The following TPST1 variants were observed in gnomAD, a reference collection of about 807,000 sequenced individuals.
TPST1 encodes protein-tyrosine sulfotransferase 1.
A neutral mutation model predicts 34.8 loss-of-function variants in TPST1; 20 were observed. The observed-to-expected ratio is 0.57, with a 90% confidence interval of 0.40 to 0.84. The LOEUF (loss-of-function observed/expected upper bound fraction) is 0.84. Among genes scored for constraint, TPST1 ranks in the 40% least tolerant of loss-of-function variants. The pLI, the probability that TPST1 is intolerant of heterozygous loss-of-function variation, is 0.00. For missense variants in TPST1, 353 were observed against 455.5 expected, an observed-to-expected ratio of 0.78 and a Z score of 2.05; for synonymous variants, 152 against 159.4, an observed-to-expected ratio of 0.95 and a Z score of 0.35.
At chr7:66,326,609 G>T (rs1281963904) in intron 3 of TPST1, among the ~76,000 whole-genome samples, 1 of 152,048 alleles carries the variant, frequency 6.6e-6, no homozygotes, top group African/African-American at 2.4e-5. Flanking sequence ...CCCCCCACCA[G>T]GAAATCAATG....
At chr7:66,230,145 G>A (rs1188375074) in intron 1 of TPST1, among the ~76,000 whole-genome samples, 2 of 152,138 alleles carry the variant, frequency 1.3e-5, no homozygotes, top group African/African-American at 2.4e-5. Flanking sequence ...CTGAGATTAC[G>A]CCCCTGCACT....
intron 3 of TPST1, among the ~76,000 whole-genome samples, chr7:66,318,834 C>G (rs978378179): frequency 3.3e-5 from 5 of 152,164 alleles, no homozygotes; most frequent in African/African-American, 1.2e-4. Flanking sequence ...ATTTTTACTT[C>G]ACTCTAATTC....
chr7:66,359,116 T>TG (rs751732132), intron 5 of TPST1: 3 of 149,598 alleles, frequency 2.0e-5, no homozygotes, highest in Non-Finnish European at 3.0e-5. Flanking sequence ...TGCTGACCCC[T>TG]GGACACTTAA....
At chr7:66,217,501 A>G (rs949090978) in intron 1 of TPST1, among the ~76,000 whole-genome samples, 2 of 152,248 alleles carry the variant, frequency 1.3e-5, no homozygotes, top group Middle Eastern at 6.8e-3. Flanking sequence ...CTGACATTGT[A>G]TAGTTTGCTG....
At chr7:66,209,671 T>G (rs1364153000) in intron 1 of TPST1, among the ~76,000 whole-genome samples, 1 of 152,218 alleles carries the variant, frequency 6.6e-6, no homozygotes, top group Non-Finnish European at 1.5e-5. Context: ...CACATCTGCC[T>G]GCAATCCATG....
chr7:66,357,704 T>C (rs902446348), intron 5 of TPST1, among the ~76,000 whole-genome samples: 2 of 152,200 alleles, frequency 1.3e-5, no homozygotes, highest in Non-Finnish European at 2.9e-5. Flanking sequence ...AGTCTCTGCT[T>C]ATCCACCCAA....
chr7:66,278,761 G>T (rs2115870355), intron 2 of TPST1, among the ~76,000 whole-genome samples: 1 of 149,102 alleles, frequency 6.7e-6, no homozygotes, highest in African/African-American at 2.4e-5. Flanking sequence ...CCAGCCCACT[G>T]CACTCCAGCC....
chr7:66,255,145 CAAAAAAAAA>C (rs35033344), intron 2 of TPST1, among the ~76,000 whole-genome samples: 2 of 78,518 alleles, frequency 2.5e-5, no homozygotes, highest in Admixed American at 1.3e-4. Context: ...GACAACGTCT[CAAAAAAAAA>C]AAAAAAAAAA....
chr7:66,284,641 C>G (rs1238820087), intron 2 of TPST1, among the ~76,000 whole-genome samples: 1 of 150,092 alleles, frequency 6.7e-6, no homozygotes, highest in Non-Finnish European at 1.5e-5. Context: ...ACCGCAACCT[C>G]CATCTCCTGG....
At chr7:66,248,831 T>C (rs1408995241) in intron 2 of TPST1, among the ~76,000 whole-genome samples, 3 of 152,156 alleles carry the variant, frequency 2.0e-5, no homozygotes, top group Admixed American at 6.6e-5. Context: ...TTAGTTTTAA[T>C]AGGCATTTTA....
chr7:66,311,963 C>A (rs546569274), intron 3 of TPST1, among the ~76,000 whole-genome samples: 1 of 152,282 alleles, frequency 6.6e-6, no homozygotes, highest in South Asian at 2.1e-4. Context: ...GTGTTTTCTG[C>A]CAGAAATCCT....
chr7:66,245,022 A>G (rs1476986097), intron 2 of TPST1, among the ~76,000 whole-genome samples: 1 of 152,246 alleles, frequency 6.6e-6, no homozygotes, highest in Non-Finnish European at 1.5e-5. Flanking sequence ...ATCAAAAGCA[A>G]AGAAAGACTG....
intron 1 of TPST1, among the ~76,000 whole-genome samples, chr7:66,238,158 C>T (rs928125934): frequency 3.3e-5 from 5 of 152,148 alleles, no homozygotes; most frequent in African/African-American, 1.2e-4. Flanking sequence ...GGTCTAGGTT[C>T]TGGGGTGATT....
chr7:66,344,878 C>T (rs973536560), intron 3 of TPST1, among the ~76,000 whole-genome samples: 28 of 151,572 alleles, frequency 1.8e-4, no homozygotes, highest in African/African-American at 6.8e-4. Context: ...TGCCTGCCAA[C>T]ACATCCAGCT....
chr7:66,284,957 C>G (rs1368547674), intron 2 of TPST1, among the ~76,000 whole-genome samples: 1 of 152,052 alleles, frequency 6.6e-6, no homozygotes, highest in South Asian at 2.1e-4. Flanking sequence ...CCCCACTTGC[C>G]TCATTCTCCA....
At chr7:66,214,394 G>T (rs1382061591) in intron 1 of TPST1, among the ~76,000 whole-genome samples, 4 of 150,534 alleles carry the variant, frequency 2.7e-5, no homozygotes, top group Admixed American at 6.6e-5. Context: ...TAATTTTAAA[G>T]TATTTATAAG....
the TPST1 span, among the ~76,000 whole-genome samples, chr7:66,199,567 T>C: frequency 6.6e-6 from 1 of 151,894 alleles, no homozygotes; most frequent in African/African-American, 2.4e-5. Context: ...ATTCTGGGAT[T>C]ACAGTCGTGA....
intron 2 of TPST1, among the ~76,000 whole-genome samples, chr7:66,261,232 C>CTTTTT (rs36114007): frequency 7.9e-6 from 1 of 126,704 alleles, no homozygotes; most frequent in African/African-American, 3.0e-5. Flanking sequence ...CGTATATTGT[C>CTTTTT]TTTTTTTTTT....
At chr7:66,344,721 ATTTT>A (rs757855278) in intron 3 of TPST1, among the ~76,000 whole-genome samples, 1 of 128,770 alleles carries the variant, frequency 7.8e-6, no homozygotes, top group Non-Finnish European at 1.7e-5. Flanking sequence ...AACATTTCTA[ATTTT>A]TTTTTTTTTT....
Sources: gnomAD v4.1 joint callset for allele counts (sites outside exome capture counted in the v4.1 genomes callset) on GRCh38, gnomAD v4.1.1 for gene constraint, MANE v1.5 for transcripts, NCBI Gene and HGNC (gene_info 2026-07-23, HGNC 2026-07-21) for gene names.